CAPS2: variants seen among roughly 807,000 people sequenced by gnomAD.
The protein encoded by CAPS2 is calcyphosin-2.
CAPS2 carries 98 observed loss-of-function variants against 86.5 expected under a neutral mutation model. The observed-to-expected ratio is 1.13, with a 90% CI of 0.96 to 1.34. The LOEUF (loss-of-function observed/expected upper bound fraction) is 1.34. CAPS2 is among the 40% of genes most tolerant of loss of function. The pLI, the probability that CAPS2 is intolerant of heterozygous loss-of-function variation, is 0.00. For synonymous variants in CAPS2, 210 were observed against 225.1 expected, an observed-to-expected ratio of 0.93 and a Z score of 0.60; for missense variants, 729 against 686.8, an observed-to-expected ratio of 1.06 and a Z score of -0.69.
chr12:75,276,199 A>C (rs2032901527), downstream of CAPS2: 1 of 1,539,036 alleles, frequency 6.5e-7, no homozygotes, highest in African/African-American at 1.4e-5. Flanking sequence ...CTTTGTTTTA[A>C]GCGCTTTCTT....
chr12:75,282,629 C>G (rs999701579), intron 15 of CAPS2, among the ~76,000 whole-genome samples: 5 of 152,164 alleles, frequency 3.3e-5, no homozygotes, highest in Non-Finnish European at 7.4e-5. Context: ...TCAGGTGACC[C>G]ACCCGCCTCG....
chr12:75,285,396 T>C (rs2034694780), intron 14 of CAPS2, among the ~76,000 whole-genome samples: 1 of 152,030 alleles, frequency 6.6e-6, no homozygotes, highest in Non-Finnish European at 1.5e-5. Context: ...TTTCAATACA[T>C]GTGTACATTG....
intron 1 of CAPS2, among the ~76,000 whole-genome samples, chr12:75,335,479 C>T (rs1457255494): frequency 6.6e-6 from 1 of 152,072 alleles, no homozygotes; most frequent in Non-Finnish European, 1.5e-5. Context: ...TTGGAAATTT[C>T]CCTTGCATTG....
At chr12:75,344,265 G>C (rs1463984942) in intron 1 of CAPS2, among the ~76,000 whole-genome samples, 1 of 151,940 alleles carries the variant, frequency 6.6e-6, no homozygotes, top group Non-Finnish European at 1.5e-5. Context: ...AGTTACTCAT[G>C]TAGAAAGCCA....
intron 1 of CAPS2, among the ~76,000 whole-genome samples, chr12:75,372,046 T>C (rs1566023476): frequency 6.6e-6 from 1 of 152,084 alleles, no homozygotes; most frequent in Admixed American, 6.5e-5. Context: ...TGAGACGGAG[T>C]CTCTGTCGCC....
At chr12:75,317,422 A>T (rs1178989371) in intron 5 of CAPS2, among the ~76,000 whole-genome samples, 3 of 152,212 alleles carry the variant, frequency 2.0e-5, no homozygotes, top group Non-Finnish European at 4.4e-5. Context: ...AGGTAAATTA[A>T]GCAGATTAAT....
At chr12:75,339,947 A>C (rs1184159312) in intron 1 of CAPS2, among the ~76,000 whole-genome samples, 1 of 152,062 alleles carries the variant, frequency 6.6e-6, no homozygotes, top group East Asian at 1.9e-4. Context: ...CCCAAAGTCC[A>C]TCATTCTTAT....
chr12:75,304,642 T>C (rs1001022274), intron 8 of CAPS2, 115 bp downstream of exon 8: 6 of 769,980 alleles, frequency 7.8e-6, no homozygotes, highest in African/African-American at 1.8e-5. Flanking sequence ...CCACTTTTCT[T>C]TATATAGAAA....
intron 2 of CAPS2, among the ~76,000 whole-genome samples, chr12:75,324,569 T>C (rs555538935): frequency 6.6e-6 from 1 of 152,254 alleles, no homozygotes; most frequent in East Asian, 1.9e-4. Context: ...CTATTCTTTA[T>C]GTCAAGATGA....
upstream of CAPS2, among the ~76,000 whole-genome samples, chr12:75,333,408 G>A (rs2139192409): frequency 6.6e-6 from 1 of 151,936 alleles, no homozygotes; most frequent in East Asian, 1.9e-4. Context: ...GTATATAACT[G>A]TATTGATTTA....
At chr12:75,323,604 G>A (rs1047589220) in intron 2 of CAPS2, among the ~76,000 whole-genome samples, 5 of 152,122 alleles carry the variant, frequency 3.3e-5, no homozygotes, top group African/African-American at 9.7e-5. Flanking sequence ...CAAGCCAGGC[G>A]TGGTGACACA....
At chr12:75,375,026 T>A (rs1566028594) in intron 1 of CAPS2, among the ~76,000 whole-genome samples, 2 of 152,202 alleles carry the variant, frequency 1.3e-5, no homozygotes, top group Non-Finnish European at 2.9e-5. Context: ...ATGGTGGCAC[T>A]AATCTCTGCA....
intron 14 of CAPS2, among the ~76,000 whole-genome samples, chr12:75,287,141 A>G (rs1033946267): frequency 2.0e-5 from 3 of 151,476 alleles, no homozygotes; most frequent in African/African-American, 7.3e-5. Context: ...CCATAGGACC[A>G]GTTCATAATT....
upstream of CAPS2, chr12:75,334,648 G>A (rs2041583953): frequency 1.3e-6 from 2 of 1,548,410 alleles, no homozygotes; most frequent in Admixed American, 1.9e-5. Context: ...AGCGTGGTGC[G>A]GGGGCGTGGG....
chr12:75,358,139 A>G (rs2043278831), intron 1 of CAPS2, among the ~76,000 whole-genome samples: 1 of 151,782 alleles, frequency 6.6e-6, no homozygotes. Context: ...ATGAGAACAT[A>G]GGTGATAACA....
intron 16 of CAPS2, among the ~76,000 whole-genome samples, chr12:75,279,564 T>G (rs2033526338): frequency 6.6e-6 from 1 of 152,000 alleles, no homozygotes; most frequent in Non-Finnish European, 1.5e-5. Context: ...GAGTTAATTT[T>G]TTTTCCCTCA....
chr12:75,388,624 C>A (rs1032747578), intron 1 of CAPS2, among the ~76,000 whole-genome samples: 1 of 151,772 alleles, frequency 6.6e-6, no homozygotes. Context: ...TTAGTAGTTG[C>A]CGGGGTTAGG....
intron 1 of CAPS2, among the ~76,000 whole-genome samples, chr12:75,368,019 T>A (rs2044104077): frequency 6.6e-6 from 1 of 152,134 alleles, no homozygotes; most frequent in Admixed American, 6.6e-5. Flanking sequence ...CTTTAACAAT[T>A]TTTTCCTGCA....
chr12:75,287,600 G>A (rs77810900), intron 14 of CAPS2, among the ~76,000 whole-genome samples: 1,639 of 152,284 alleles, frequency 0.011, 20 homozygotes, highest in African/African-American at 0.037. Flanking sequence ...GGTTCAGGGA[G>A]CTTCTGGGTA....
Sources: gnomAD v4.1 joint callset for allele counts (sites outside exome capture counted in the v4.1 genomes callset) on GRCh38, gnomAD v4.1.1 for gene constraint, MANE v1.5 for transcripts, NCBI Gene and HGNC (gene_info 2026-07-23, HGNC 2026-07-21) for gene names.